The following DEDD2 variants were observed in gnomAD, a reference collection of about 807,000 sequenced individuals.
DEDD2 encodes the protein DNA-binding death effector domain-containing protein 2.
DEDD2 carries 18 observed loss-of-function variants against 28.9 expected under a neutral mutation model. The observed-to-expected ratio is 0.62, with a 90% confidence interval of 0.43 to 0.92. The LOEUF (loss-of-function observed/expected upper bound fraction) is 0.92. DEDD2 is among the 40% of genes least tolerant of loss of function. The pLI is 0.00. For synonymous variants in DEDD2, 211 were observed against 206.1 expected, an observed-to-expected ratio of 1.02 and a Z score of -0.20; for missense variants, 411 against 463.3, an observed-to-expected ratio of 0.89 and a Z score of 1.04.
At chr19:42,204,275 A>G (rs1599758540) in intron 4 of DEDD2, among the ~76,000 whole-genome samples, 1 of 152,202 alleles carries the variant, frequency 6.6e-6, no homozygotes, top group East Asian at 1.9e-4. Context: ...TAAGGTTTGG[A>G]TGTATGTTCT....
intron 4 of DEDD2, among the ~76,000 whole-genome samples, chr19:42,208,134 CTG>C (rs994113757): frequency 2.0e-5 from 3 of 152,184 alleles, no homozygotes; most frequent in African/African-American, 7.2e-5. Flanking sequence ...CTGATCCCTT[CTG>C]TGTTTCCCAA....
upstream of DEDD2, among the ~76,000 whole-genome samples, chr19:42,219,899 C>T (rs765723940): frequency 3.3e-5 from 5 of 152,228 alleles, no homozygotes; most frequent in Non-Finnish European, 7.3e-5. Context: ...TTTGAGGTGG[C>T]TGTGACTCAA....
rs2035563276 is a variant in DEDD2, at chr19:42,207,080, C to T, written c.589+2620G>A. Among the ~76,000 whole-genome samples, 3 of 152,158 alleles carry T rather than the reference C, an allele frequency of 2.0e-5. 1 individual carries two copies. In the South Asian group the frequency reaches 6.2e-4, roughly 32 times the overall value. On this transcript the variant is annotated intron_variant, in intron 4 of 4. Coordinates refer to ENST00000596251, the MANE Select transcript of DEDD2 (RefSeq NM_133328.4). ...CTTGAGGCAATGACTCCCTCACCTG[C>T]CCAGCCAGCCTGGTGGCTCTGGGAA... is the stretch of plus-strand genomic sequence containing the variant.
chr19:42,210,480 G>A lies in DEDD2; in HGVS notation c.449-640C>T, dbSNP rs184709928. Among the ~76,000 whole-genome samples, 29 of 151,956 alleles carry A rather than the reference G, an allele frequency of 1.9e-4. No individual in the cohort carries two copies. The East Asian group carries it at 5.5e-3, about 29-fold the overall frequency. ...ACAATCTTGGCTCACTGCAATCTCC[G>A]CCTCCCGGGTTCAAGCAATTCTCCT... On this transcript the variant is annotated intron_variant, in intron 3 of 4. Transcript: ENST00000596251.
chr19:42,204,047 C>A (rs937911563), intron 4 of DEDD2, among the ~76,000 whole-genome samples: 1 of 152,218 alleles, frequency 6.6e-6, no homozygotes, highest in African/African-American at 2.4e-5. Flanking sequence ...AGAGCTGCTC[C>A]TGCTTCCTGC....
In DEDD2 at chr19:42,216,754, A is replaced by G. The variant is rs2035989049; in HGVS notation, c.254T>C (p.Leu85Pro). 4 of 1,594,328 alleles carry G rather than the reference A, an allele frequency of 2.5e-6. No homozygotes were observed. Among genetic ancestry groups the G allele is most frequent in the African/African-American group, 1.3e-5 (1 of 74,540 alleles). ...CAGCACGCGCAGGAGTTGCCCCAGCAGCCGCAGGTTGCTCTCGTCGCACTG... is the reference window on the plus strand; with the variant it reads ...CAGCACGCGCAGGAGTTGCCCCAGCGGCCGCAGGTTGCTCTCGTCGCACTG... ...RGQCDESNLR[L>P]LGQLLRVLAR... Residue 85 changes from leucine (L) to proline (P), a missense_variant, in exon 2 of 5, where the codon CTG (leucine) becomes CCG (proline). Transcript: ENST00000596251.
intron 2 of DEDD2, 55 bp from the exon 3 acceptor site, chr19:42,215,307 C>A (rs1394460101): frequency 1.0e-5 from 16 of 1,599,598 alleles, no homozygotes; most frequent in African/African-American, 2.7e-5. Flanking sequence ...CTAATTCCCA[C>A]CCCTGGAAGA....
intron 3 of DEDD2, 129 bp downstream of exon 3, chr19:42,214,998 TAAACAC>T: frequency 8.2e-7 from 1 of 1,214,688 alleles, no homozygotes; most frequent in South Asian, 1.5e-5. Context: ...TCTGTAGCAA[TAAACAC>T]ACACACACAC....
chr19:42,201,406 AG>A (rs2035324822), intron 4 of DEDD2, among the ~76,000 whole-genome samples: 1 of 152,252 alleles, frequency 6.6e-6, no homozygotes, highest in Admixed American at 6.5e-5. Context: ...ATGGATAGAA[AG>A]GAACAAGCTA....
chr19:42,211,037 TC>T (rs1441610603), intron 3 of DEDD2, among the ~76,000 whole-genome samples: 1 of 140,588 alleles, frequency 7.1e-6, no homozygotes, highest in African/African-American at 2.7e-5. Context: ...GCCACTGCAC[TC>T]CAGCCAGGGT....
At chr19:42,201,117 A>G (rs761512668) in intron 4 of DEDD2, among the ~76,000 whole-genome samples, 1 of 152,204 alleles carries the variant, frequency 6.6e-6, no homozygotes, top group Non-Finnish European at 1.5e-5. Flanking sequence ...GACAGGTCCT[A>G]TTATCACCCC....
chr19:42,214,226 T>A (rs1474894997), intron 3 of DEDD2, among the ~76,000 whole-genome samples: 1 of 152,134 alleles, frequency 6.6e-6, no homozygotes, highest in Admixed American at 6.6e-5. Flanking sequence ...GAGGCCCAGG[T>A]GGGCAGATCT....
intron 4 of DEDD2, among the ~76,000 whole-genome samples, chr19:42,200,057 G>A (rs1210999067): frequency 2.0e-5 from 3 of 152,048 alleles, no homozygotes; most frequent in Non-Finnish European, 4.4e-5. Context: ...ACCGCCAGGG[G>A]TGCTCTTTCC....
chr19:42,209,827 G>T lies in DEDD2; in HGVS notation c.462C>A (p.Thr154=). The change falls in exon 4 of 5, where the codon ACC becomes ACA. Residue 154 remains threonine, a synonymous_variant. Transcript: ENST00000596251. ...GGCCCCGACTCCGCCGCTGCCGCTT[G>T]GTTGGGGGGGAGCCTGAGGGGAAAA... ...QGQWETGSPP[T]KRQRRSRGRP... 6.5e-7 allele frequency: 1 copy of T among 1,541,324 alleles called. No homozygotes were observed. Among genetic ancestry groups the T allele is most frequent in the African/African-American group, 1.4e-5 (1 of 70,848 alleles).
chr19:42,210,524 A>T (rs939128599), intron 3 of DEDD2, among the ~76,000 whole-genome samples: 1 of 151,812 alleles, frequency 6.6e-6, no homozygotes. Context: ...TTCCCAAGTA[A>T]CCGGGATTAC....
Position 42,216,834 on chromosome 19 carries a change from G to A in DEDD2, c.174C>T (p.Gly58=). The change falls in exon 2 of 5, where the codon GGC becomes GGT. Residue 58 remains glycine (G), a synonymous_variant. Transcript: ENST00000596251. ...LLDEAPGAAG[G]LARARSGLEL... is the part of the protein sequence containing the mutation. ...CTAGGCCGCTGCGGGCCCGGGCTAA[G>A]CCTCCGGCGGCGCCAGGAGCCTCAT... is the stretch of plus-strand genomic sequence containing the variant. The A allele has an allele frequency of 6.3e-7, 1 of 1,586,452 alleles. No individual in the cohort carries two copies. Among genetic ancestry groups the A allele is most frequent in the Non-Finnish European group, 8.6e-7 (1 of 1,166,904 alleles).
At chr19:42,218,578 C>G (rs563664106), upstream of DEDD2, among the ~76,000 whole-genome samples, 12 of 152,280 alleles carry the variant, frequency 7.9e-5, no homozygotes, top group South Asian at 1.9e-3. Context: ...CGCCACGCCC[C>G]CCACTTAGGT....
chr19:42,209,780 C>T lies in DEDD2; in HGVS notation c.509G>A (p.Arg170Gln). The change falls in exon 4 of 5, where the codon CGG (arginine) becomes CAG (glutamine). Residue 170 changes from arginine to glutamine, a missense_variant. Arg to Gln is a conservative substitution (Grantham distance 43). This residue lies in a region of DEDD2 where 282 missense variants were observed against 273.4 expected (regional missense o/e 1.03). Transcript: ENST00000596251. The part of the protein sequence containing the change: ...SRGRPSGGAR[R>Q]RRRGAPAAPQ... ...TGCGGCTGGGGCCCCTCTCCGCCGC[C>T]GTCTGGCACCACCACTGGGCCGGCC... The T allele has an allele frequency of 6.3e-6, 10 of 1,594,950 alleles. No individual in the cohort carries two copies. Among genetic ancestry groups the T allele is most frequent in the Non-Finnish European group, 7.7e-6 (9 of 1,171,748 alleles).
At chr19:42,210,219 T>G (rs138481001) in intron 3 of DEDD2, among the ~76,000 whole-genome samples, 47 of 152,112 alleles carry the variant, frequency 3.1e-4, no homozygotes, top group African/African-American at 1.1e-3. Context: ...ATAGACTGTT[T>G]AAGGAAATAA....
Sources: gnomAD v4.1 joint callset for allele counts (sites outside exome capture counted in the v4.1 genomes callset) on GRCh38, gnomAD v4.1.1 for gene constraint, gnomAD v4.1.1 regional missense constraint, MANE v1.5 for transcripts, NCBI Gene and HGNC (gene_info 2026-07-23, HGNC 2026-07-21) for gene names.